The following SARDH variants were observed in gnomAD, a reference collection of about 807,000 sequenced individuals.
SARDH encodes sarcosine dehydrogenase.
SARDH carries 95 observed loss-of-function variants against 109.1 expected under a neutral mutation model. That is an observed-to-expected ratio of 0.87 (90% confidence interval 0.74 to 1.03). The LOEUF is 1.03. Ranked by LOEUF, SARDH falls within the 50% of genes least tolerant of loss-of-function variation. SARDH has a pLI of 0.00. For synonymous variants in SARDH, 572 were observed against 534.8 expected (o/e 1.07, Z -0.96); for missense variants, 1,267 against 1,287.8 (o/e 0.98, Z 0.25).
At chr9:133,711,567 C>A (rs907998700) in intron 10 of SARDH, among the ~76,000 whole-genome samples, 1 of 152,182 alleles carries the variant, frequency 6.6e-6, no homozygotes, top group Non-Finnish European at 1.5e-5. Context: ...GGGGTGGCAG[C>A]TGGGGGGCCT....
chr9:133,714,680 G>A (rs140274262), intron 8 of SARDH, among the ~76,000 whole-genome samples: 42 of 152,262 alleles, frequency 2.8e-4, no homozygotes, highest in South Asian at 2.3e-3. Flanking sequence ...CTCAGGAGGC[G>A]GAGAAGGGAG....
intron 6 of SARDH, among the ~76,000 whole-genome samples, chr9:133,727,945 C>T (rs1290703770): frequency 6.6e-6 from 1 of 152,094 alleles, no homozygotes; most frequent in Non-Finnish European, 1.5e-5. Flanking sequence ...GGCCACCCTC[C>T]CTGACGCCCC....
In SARDH at chr9:133,709,106, G is replaced by C. The variant is rs1831816260; in HGVS notation, c.1329-678C>G. Among the ~76,000 whole-genome samples, 1 of 152,192 alleles carries C rather than the reference G, an allele frequency of 6.6e-6. No individual in the cohort carries two copies. The highest frequency in any genetic ancestry group is 2.4e-5 in the African/African-American group (1 of 41,444). Reference sequence around the variant, plus strand: ...CTGCCCAATCCAGCGCCTGGGACCGGAGATGATGTGGCTGCAATAGTTTTG... The same window carrying C: ...CTGCCCAATCCAGCGCCTGGGACCGCAGATGATGTGGCTGCAATAGTTTTG... On this transcript the variant is annotated intron_variant, in intron 10 of 20. Transcript: ENST00000439388. This position sits in a 1 kb window ranked among gnomAD's most constrained non-coding sequence, Gnocchi z 4.2.
chr9:133,729,672 C>A, intron 6 of SARDH, 93 bp downstream of exon 6: 1 of 1,100,212 alleles, frequency 9.1e-7, no homozygotes, highest in Non-Finnish European at 1.3e-6. Flanking sequence ...AGGGGACCCA[C>A]AAGGGTCACA....
At chr9:133,702,774 A>G (rs1392831607) in intron 13 of SARDH, 142 bp downstream of exon 13, 1 of 684,260 alleles carries the variant, frequency 1.5e-6, no homozygotes, top group East Asian at 2.7e-5. Flanking sequence ...AAATGGAGTC[A>G]GCCGAAAAAA....
chr9:133,671,672 A>T lies in SARDH; in HGVS notation c.2189T>A (p.Val730Glu), dbSNP rs759986684. 1 of 1,583,736 alleles carries T rather than the reference A, an allele frequency of 6.3e-7. No individual in the cohort carries two copies. Reference sequence around the variant, plus strand: ...GTGCAGCTCCCAGCCCAGCTCCCCCACAAAGGACAGCCGCATGGCTCGGAC... The same window carrying T: ...GTGCAGCTCCCAGCCCAGCTCCCCCTCAAAGGACAGCCGCATGGCTCGGAC... ...HLVRAMRLSFVGELGWELHIP... is the reference protein window; with the variant it reads ...HLVRAMRLSFEGELGWELHIP... The change falls in exon 18 of 21, where the codon GTG (valine) becomes GAG (glutamate). Residue 730 changes from valine (V) to glutamate (E), a missense_variant. Coordinates refer to ENST00000439388, the MANE Select transcript of SARDH (RefSeq NM_001134707.2).
chr9:133,734,387 A>AC (rs1564304067), intron 1 of SARDH, among the ~76,000 whole-genome samples, 184 bp from the exon 2 acceptor site: 5 of 147,420 alleles, frequency 3.4e-5, no homozygotes, highest in African/African-American at 1.3e-4. Flanking sequence ...TCACTCATTC[A>AC]TTCATTCACT....
Position 133,728,604 on chromosome 9 carries a change from C to T in SARDH, c.915+1161G>A, listed in dbSNP as rs1434771134. Among the ~76,000 whole-genome samples the T allele has an allele frequency of 6.6e-6, 1 of 152,160 alleles. No homozygotes were observed. Among genetic ancestry groups the T allele is most frequent in the African/African-American group, 2.4e-5 (1 of 41,438 alleles). ...TGGGAATTCCTATAGCCCCTGAGAC[C>T]CCATCAGAGCCCTTATCAGCATGTT... On this transcript the variant is annotated intron_variant, in intron 6 of 20. Transcript: ENST00000439388. This position sits in a 1 kb window ranked among gnomAD's most constrained non-coding sequence, Gnocchi z 5.0.
At chr9:133,714,058 G>A (rs1832031453) in intron 8 of SARDH, among the ~76,000 whole-genome samples, 1 of 152,210 alleles carries the variant, frequency 6.6e-6, no homozygotes, top group Non-Finnish European at 1.5e-5. Context: ...GCTACTGTTG[G>A]CACCCCAGCA....
At chr9:133,729,072 G>A (rs1324888484) in intron 6 of SARDH, among the ~76,000 whole-genome samples, 1 of 151,826 alleles carries the variant, frequency 6.6e-6, no homozygotes, top group Admixed American at 6.6e-5. Context: ...GAGGGATGAA[G>A]GAATAAATGG....
chr9:133,694,208 C>T, intron 15 of SARDH, 50 bp downstream of exon 15: 1 of 1,370,322 alleles, frequency 7.3e-7, no homozygotes, highest in Non-Finnish European at 1.0e-6. Context: ...ACCACCAGTC[C>T]ACAGAGCAGG....
At chr9:133,735,956 C>T (rs1161666216) in intron 1 of SARDH, among the ~76,000 whole-genome samples, 1 of 151,546 alleles carries the variant, frequency 6.6e-6, no homozygotes, top group Non-Finnish European at 1.5e-5. Context: ...AGGAGACTTG[C>T]TTAAACCCGG....
In SARDH at chr9:133,663,894, A is replaced by G; in HGVS notation, c.2752T>C (p.Tyr918His). 1 of 1,614,106 alleles carries G rather than the reference A, an allele frequency of 6.2e-7. No homozygotes were observed. Residue 918 changes from tyrosine to histidine, a missense_variant, in exon 21 of 21, where the codon TAC (tyrosine) becomes CAC (histidine). Coordinates refer to ENST00000439388, the MANE Select transcript of SARDH (RefSeq NM_001134707.2). The stretch of plus-strand genomic sequence containing the variant: ...GGGGCATGTGGTCTGAGCCCTCAGT[A>G]GATTCCCTTCACCCTCTTGTTGTTG... ...DPNNKRVKGI[Y>H]
intron 17 of SARDH, among the ~76,000 whole-genome samples, chr9:133,675,441 C>T (rs1306694682): frequency 6.6e-6 from 1 of 152,130 alleles, no homozygotes; most frequent in Non-Finnish European, 1.5e-5. Flanking sequence ...TGCTCCACGT[C>T]ACTACCCATC....
chr9:133,690,426 C>G lies in SARDH; in HGVS notation c.2023G>C (p.Asp675His). 1.9e-6 allele frequency: 3 copies of G among 1,613,290 alleles called. No individual in the cohort carries two copies. The highest frequency in any genetic ancestry group is 2.5e-6 in the Non-Finnish European group (3 of 1,179,924). The change falls in exon 16 of 21, where the codon GAC (aspartate) becomes CAC (histidine). Residue 675 changes from aspartate to histidine, a missense_variant. Physicochemically the swap from Asp to His is moderately conservative, Grantham distance 81. Coordinates refer to ENST00000439388, the MANE Select transcript of SARDH (RefSeq NM_001134707.2). ...QDQKSQCQLI[D>H]SSEDLGMISI... is the part of the protein sequence containing the mutation. ...ATCATACCCAGGTCCTCGGAGCTGTCGATGAGCTGGCACTGGGACTTCTGG... is the reference window on the plus strand; with the variant it reads ...ATCATACCCAGGTCCTCGGAGCTGTGGATGAGCTGGCACTGGGACTTCTGG...
chr9:133,679,286 G>A (rs1168977536), intron 17 of SARDH, among the ~76,000 whole-genome samples: 1 of 152,238 alleles, frequency 6.6e-6, no homozygotes, highest in Admixed American at 6.5e-5. Context: ...CGAGTGTTTA[G>A]GCAGTGGCTG....
chr9:133,672,940 C>T (rs1267045307), intron 17 of SARDH, among the ~76,000 whole-genome samples: 2 of 152,226 alleles, frequency 1.3e-5, no homozygotes, highest in Non-Finnish European at 2.9e-5. Context: ...TCAAGCCCTG[C>T]AGAAGTGACA....
chr9:133,664,674 G>A lies in SARDH; in HGVS notation c.2632-660C>T, dbSNP rs546959353. Among the ~76,000 whole-genome samples, 3 of 152,338 alleles carry A rather than the reference G, an allele frequency of 2.0e-5. No individual in the cohort carries two copies. In the South Asian group the frequency reaches 6.2e-4, roughly 32 times the overall value. On this transcript the variant is annotated intron_variant, in intron 20 of 20. Transcript: ENST00000439388. ...ATTAAACCCAAGGTCAGGGCCACAG[G>A]AGGGAGTCTCGGGCTCCGCTCTGGG... is the stretch of plus-strand genomic sequence containing the variant.
At chr9:133,710,602 C>T (rs760073953) in intron 10 of SARDH, among the ~76,000 whole-genome samples, 5 of 152,260 alleles carry the variant, frequency 3.3e-5, no homozygotes, top group Admixed American at 6.5e-5. Flanking sequence ...GTTCTGGCGC[C>T]GACGCTCTCT....
Sources: allele counts gnomAD v4.1 joint callset (sites outside exome capture counted in the v4.1 genomes callset), GRCh38; gene constraint gnomAD v4.1.1; non-coding constraint Gnocchi (gnomAD v3.1); transcripts MANE v1.5; gene names NCBI Gene and HGNC (gene_info 2026-07-23, HGNC 2026-07-21).